The following TUG1 variants were observed in gnomAD, a reference collection of about 807,000 sequenced individuals.
The protein encoded by TUG1 is taurine upregulated gene 1.
chr22:30,978,094 T>G (rs2147374272), exon 3 of TUG1: 1 of 152,284 alleles, frequency 6.6e-6, no homozygotes, highest in Non-Finnish European at 1.5e-5. Flanking sequence ...GAAGAAAAGT[T>G]TCCACTGTAC....
chr22:30,978,661 A>G (rs2041315932), exon 3 of TUG1: 1 of 152,090 alleles, frequency 6.6e-6, no homozygotes, highest in African/African-American at 2.4e-5. Context: ...TAGGATGAAA[A>G]CCTCAAACTA....
At chr22:30,972,306 A>T (rs1420493041) in intron 1 of TUG1, 2 of 152,220 alleles carry the variant, frequency 1.3e-5, no homozygotes, top group African/African-American at 4.8e-5. Flanking sequence ...CTCAGACATA[A>T]GGAGAAACCA....
intron 1 of TUG1, 194 bp from the exon 2 acceptor site, chr22:30,972,661 A>T (rs959594141): frequency 2.0e-5 from 3 of 152,678 alleles, no homozygotes; most frequent in Non-Finnish European, 4.4e-5. Context: ...GAGAGTGTTA[A>T]TCAGACTTTT....
chr22:30,974,452 A>C (rs1257780664), intron 2 of TUG1: 1 of 151,936 alleles, frequency 6.6e-6, no homozygotes, highest in Non-Finnish European at 1.5e-5. Context: ...GCATCATTCC[A>C]TCTAATGGAA....
intron 2 of TUG1, chr22:30,974,368 C>A (rs969139375): frequency 6.7e-6 from 1 of 148,446 alleles, no homozygotes; most frequent in Non-Finnish European, 1.5e-5. Flanking sequence ...AAAAAGACTT[C>A]TAGTAAAGAG....
exon 1 of TUG1, chr22:30,969,955 C>T (rs2041207882): frequency 6.6e-6 from 1 of 152,270 alleles, no homozygotes; most frequent in African/African-American, 2.4e-5. Context: ...TTGTCTGCGC[C>T]TCAGTTTCCT....
Position 30,971,589 on chromosome 22 carries a change from C to G in TUG1, c.*1771C>G, listed in dbSNP as rs139830314. ...ACCTGGAACCCGAAAGAGCTTGTCA[C>G]GATGCGGCAGGAACACTGGAGGTAG... On this transcript the variant is annotated 3_prime_UTR_variant, in exon 1 of 3. Transcript: ENST00000644773. The G allele has an allele frequency of 3.0e-3, 460 of 152,926 alleles. 1 individual carries two copies. The highest frequency in any genetic ancestry group is 0.01 in the African/African-American group (432 of 41,536). 9.5% of individuals were successfully genotyped at this position (152,926 alleles called of 1,614,324 possible).
At chr22:30,970,080 A>G (rs2041210427) in exon 1 of TUG1, 1 of 152,310 alleles carries the variant, frequency 6.6e-6, no homozygotes, top group South Asian at 2.1e-4. Context: ...AAAACTTAGC[A>G]GTTCCCCAAT....
chr22:30,969,833 T>C (rs767518178), exon 1 of TUG1: 1 of 152,222 alleles, frequency 6.6e-6, no homozygotes, highest in Non-Finnish European at 1.5e-5. Flanking sequence ...GGGCGGGAGC[T>C]CTGGCGGCAG....
At chr22:30,978,416 A>G (rs2041313900) in exon 3 of TUG1, 1 of 152,184 alleles carries the variant, frequency 6.6e-6, no homozygotes, top group Non-Finnish European at 1.5e-5. Context: ...AAGCTTTTTC[A>G]TATCTGTTCT....
At chr22:30,978,669 C>T (rs1242982396) in exon 3 of TUG1, 1 of 152,154 alleles carries the variant, frequency 6.6e-6, no homozygotes, top group Non-Finnish European at 1.5e-5. Context: ...AAACCTCAAA[C>T]TAACAGGGCC....
chr22:30,969,923 C>T (rs567745094), exon 1 of TUG1: 2 of 152,366 alleles, frequency 1.3e-5, no homozygotes, highest in Admixed American at 6.5e-5. Flanking sequence ...GCGGAGTGAC[C>T]TTAGGCGAGT....
At chr22:30,979,185 AAC>A (rs1233442412) in exon 3 of TUG1, 1 of 152,200 alleles carries the variant, frequency 6.6e-6, no homozygotes, top group Non-Finnish European at 1.5e-5. Context: ...CATTAGGTGA[AAC>A]AAGTTATTAA....
intron 2 of TUG1, chr22:30,973,952 A>C (rs1017194231): frequency 6.6e-6 from 1 of 152,218 alleles, no homozygotes; most frequent in Non-Finnish European, 1.5e-5. Flanking sequence ...ATCCCATGGC[A>C]ATATCCCACG....
At chr22:30,971,148 C>G (rs1296686530) in exon 1 of TUG1, 1 of 152,186 alleles carries the variant, frequency 6.6e-6, no homozygotes, top group Non-Finnish European at 1.5e-5. Context: ...AGCAAGTGAA[C>G]ACAAACACAT....
exon 3 of TUG1, chr22:30,978,014 CCTT>C (rs1408558039): frequency 6.6e-6 from 1 of 152,204 alleles, no homozygotes; most frequent in African/African-American, 2.4e-5. Context: ...CCATTTCTCT[CCTT>C]CAGTAGTGCA....
At chr22:30,969,749 G>C (rs2041203278) in exon 1 of TUG1, 1 of 152,342 alleles carries the variant, frequency 6.6e-6, no homozygotes, top group Admixed American at 6.5e-5. Context: ...AGTTGGGGGG[G>C]CAGGAGGGGG....
At chr22:30,976,664 A>G (rs1278134114) in exon 3 of TUG1, 1 of 152,192 alleles carries the variant, frequency 6.6e-6, no homozygotes, top group Admixed American at 6.5e-5. Flanking sequence ...CAGTTTATGA[A>G]CTCTCAGACC....
chr22:30,974,175 T>G (rs948161988), intron 2 of TUG1: 8 of 151,478 alleles, frequency 5.3e-5, no homozygotes, highest in African/African-American at 1.9e-4. Flanking sequence ...AAAGTCAGTA[T>G]TGTGTGTGTG....
Sources: gnomAD v4.1 joint callset for allele counts on GRCh38, gnomAD v4.1.1 for gene constraint, MANE v1.5 for transcripts, NCBI Gene and HGNC (gene_info 2026-07-23, HGNC 2026-07-21) for gene names.